CENPW: variants seen among roughly 807,000 people sequenced by gnomAD.
CENPW encodes cancer-up-regulated gene 2 protein.
A neutral mutation model predicts 11.1 loss-of-function variants in CENPW; 3 were observed. That is an observed-to-expected ratio of 0.27 (90% CI 0.12 to 0.70). The LOEUF (loss-of-function observed/expected upper bound fraction) is 0.70, where lower values mean the gene tolerates loss of function less well. Among genes scored for constraint, CENPW ranks in the 30% least tolerant of loss-of-function variants. CENPW has a pLI of 0.77. For missense variants in CENPW, 100 were observed against 105.6 expected (o/e 0.95, Z 0.23); for synonymous variants, 38 against 42.0 (o/e 0.91, Z 0.37).
chr6:126,462,605 T>C, the CENPW span, among the ~76,000 whole-genome samples: 1 of 150,840 alleles, frequency 6.6e-6, no homozygotes, highest in South Asian at 2.1e-4. Context: ...TCCTTTAACT[T>C]ACATAGATAG....
At chr6:126,381,543 A>T in the CENPW span, among the ~76,000 whole-genome samples, 1 of 152,130 alleles carries the variant, frequency 6.6e-6, no homozygotes, top group African/African-American at 2.4e-5. Flanking sequence ...ATGCTTTTCT[A>T]CTTTTTTTGC....
the CENPW span, among the ~76,000 whole-genome samples, chr6:126,462,922 G>C: frequency 7.2e-5 from 11 of 151,964 alleles, no homozygotes; most frequent in Non-Finnish European, 1.5e-4. Flanking sequence ...TGGTAAATTT[G>C]TATTTTGCAA....
the CENPW span, among the ~76,000 whole-genome samples, chr6:126,384,178 A>G: frequency 6.6e-6 from 1 of 152,314 alleles, no homozygotes; most frequent in Non-Finnish European, 1.5e-5. Flanking sequence ...ATTAAGGCAG[A>G]AATCAAGAAG....
At chr6:126,439,795 A>G in the CENPW span, among the ~76,000 whole-genome samples, 1 of 151,724 alleles carries the variant, frequency 6.6e-6, no homozygotes, top group African/African-American at 2.4e-5. Flanking sequence ...TTCTATAGCC[A>G]AGATCATGGT....
the CENPW span, among the ~76,000 whole-genome samples, chr6:126,449,685 G>A: frequency 2.1e-4 from 31 of 150,974 alleles, no homozygotes; most frequent in East Asian, 9.8e-4. Flanking sequence ...GATTTTTATC[G>A]CCAGTACAAA....
chr6:126,410,278 G>T, the CENPW span, among the ~76,000 whole-genome samples: 1 of 152,028 alleles, frequency 6.6e-6, no homozygotes, highest in Admixed American at 6.5e-5. Flanking sequence ...TTATAATTTA[G>T]TTGGCTTTTG....
chr6:126,411,529 C>T, the CENPW span, among the ~76,000 whole-genome samples: 1 of 152,050 alleles, frequency 6.6e-6, no homozygotes, highest in African/African-American at 2.4e-5. Context: ...GGCACATGGG[C>T]CTTATCGTGC....
chr6:126,455,864 T>G, the CENPW span, among the ~76,000 whole-genome samples: 1 of 151,268 alleles, frequency 6.6e-6, no homozygotes, highest in East Asian at 1.9e-4. Context: ...TAAAAAAAAC[T>G]TCAGCAAAGG....
At chr6:126,436,558 T>C in the CENPW span, among the ~76,000 whole-genome samples, 1 of 151,830 alleles carries the variant, frequency 6.6e-6, no homozygotes, top group Non-Finnish European at 1.5e-5. Context: ...AATACTTCCA[T>C]GATGTTAAGG....
the CENPW span, among the ~76,000 whole-genome samples, chr6:126,410,185 G>A: frequency 3.9e-5 from 6 of 152,098 alleles, no homozygotes; most frequent in Non-Finnish European, 7.4e-5. Flanking sequence ...AGCCAGTCTA[G>A]TGGTGATGAA....
At chr6:126,483,038 C>T in the CENPW span, among the ~76,000 whole-genome samples, 1 of 151,686 alleles carries the variant, frequency 6.6e-6, no homozygotes, top group East Asian at 1.9e-4. Context: ...AAGGAAAAAG[C>T]CTTGCAATGT....
chr6:126,370,396 G>A, the CENPW span, among the ~76,000 whole-genome samples: 1 of 152,100 alleles, frequency 6.6e-6, no homozygotes, highest in Non-Finnish European at 1.5e-5. Context: ...CCATCCATGA[G>A]CATGGAATGT....
chr6:126,424,933 C>T, the CENPW span, among the ~76,000 whole-genome samples: 1 of 152,002 alleles, frequency 6.6e-6, no homozygotes, highest in Non-Finnish European at 1.5e-5. Flanking sequence ...GGCTAGTTAT[C>T]TAATTTCATA....
chr6:126,461,388 A>G, the CENPW span, among the ~76,000 whole-genome samples: 1 of 151,912 alleles, frequency 6.6e-6, no homozygotes, highest in Admixed American at 6.6e-5. Flanking sequence ...ATGGACTAAT[A>G]CATGTCCCAA....
intron 1 of CENPW, among the ~76,000 whole-genome samples, chr6:126,345,532 C>CTGA (rs1027769427): frequency 6.6e-6 from 1 of 151,990 alleles, no homozygotes; most frequent in African/African-American, 2.4e-5. Context: ...TTCCACAATG[C>CTGA]TGATATCTTA....
chr6:126,423,046 A>G, the CENPW span, among the ~76,000 whole-genome samples: 2 of 152,084 alleles, frequency 1.3e-5, no homozygotes, highest in African/African-American at 4.8e-5. Context: ...TTTTCAAGAT[A>G]ATGATGACGT....
chr6:126,346,334 C>A lies in CENPW; in HGVS notation c.240+16C>A, dbSNP rs2128289918. On this transcript the variant is annotated intron_variant, in intron 2 of 2. Coordinates refer to ENST00000368328, the MANE Select transcript of CENPW (RefSeq NM_001012507.4). Reference sequence around the variant, plus strand: ...CGCAGCAAAGGTAAAATCCAAATTTCTTTTCTCGAGCAAGAATTAAACTTC... The same window carrying A: ...CGCAGCAAAGGTAAAATCCAAATTTATTTTCTCGAGCAAGAATTAAACTTC... 1.3e-6 allele frequency: 2 copies of A among 1,519,200 alleles called. No individual in the cohort carries two copies. The highest frequency in any genetic ancestry group is 2.3e-5 in the East Asian group (1 of 43,898). The allele number at this position is 1,519,200 out of a possible 1,614,324, so 94.1% of individuals were successfully genotyped here. A position where few individuals can be genotyped will look rare whatever the true frequency, so the allele number is the denominator to read the frequency against.
the CENPW span, among the ~76,000 whole-genome samples, chr6:126,425,178 A>G: frequency 2.3e-4 from 35 of 152,256 alleles, no homozygotes; most frequent in East Asian, 6.8e-3. Flanking sequence ...TAAAAAAGAA[A>G]TGTTTGGAGA....
the CENPW span, among the ~76,000 whole-genome samples, chr6:126,460,209 G>C: frequency 6.6e-6 from 1 of 151,604 alleles, no homozygotes; most frequent in African/African-American, 2.4e-5. Flanking sequence ...GTGAGGATTT[G>C]TTTTAAATTT....
Sources: gnomAD v4.1 joint callset for allele counts (sites outside exome capture counted in the v4.1 genomes callset) on GRCh38, gnomAD v4.1.1 for gene constraint, MANE v1.5 for transcripts, NCBI Gene and HGNC (gene_info 2026-07-23, HGNC 2026-07-21) for gene names.